Variants in ZNF684 observed in about 807,000 individuals in gnomAD.
ZNF684 encodes zinc finger protein 684.
A neutral mutation model predicts 12.8 loss-of-function variants in ZNF684; 13 were observed. The ratio of observed to expected loss-of-function variants is 1.02; its 90% CI spans 0.66 to 1.62. ZNF684 has a LOEUF of 1.62. Among genes scored for constraint, ZNF684 ranks in the 40% most tolerant of loss-of-function variants. The pLI, the probability that ZNF684 is intolerant of heterozygous loss-of-function variation, is 0.00. For synonymous variants in ZNF684, 118 were observed against 151.8 expected, an observed-to-expected ratio of 0.78 and a Z score of 1.64; for missense variants, 384 against 446.9, an observed-to-expected ratio of 0.86 and a Z score of 1.27.
chr1:40,546,977 T>C lies in ZNF684; in HGVS notation c.654T>C (p.Asn218=), dbSNP rs558571175. The C allele has an allele frequency of 1.9e-6, 3 of 1,614,094 alleles. No individual in the cohort carries two copies. The highest frequency in any genetic ancestry group is 2.5e-6 in the Non-Finnish European group (3 of 1,179,978). ...IHNGERPFVC[N]DCGKAFMHKA... ...ATGGAGAGAGACCCTTTGTGTGCAA[T>C]GATTGTGGGAAGGCGTTTATGCATA... Residue 218 remains asparagine (N), a synonymous_variant, in exon 5 of 5, where the codon AAT becomes AAC. Transcript: ENST00000372699.
intron 2 of ZNF684, among the ~76,000 whole-genome samples, chr1:40,538,700 A>C (rs556226193): frequency 1.3e-5 from 2 of 152,140 alleles, no homozygotes; most frequent in Admixed American, 6.5e-5. Flanking sequence ...TCTACTAAAA[A>C]TACAAAAATC....
At chr1:40,536,310 C>T (rs1645984784) in intron 2 of ZNF684, among the ~76,000 whole-genome samples, 1 of 149,590 alleles carries the variant, frequency 6.7e-6, no homozygotes, top group African/African-American at 2.5e-5. Flanking sequence ...AGGAGAATGG[C>T]ATGAACCCGG....
intron 2 of ZNF684, among the ~76,000 whole-genome samples, chr1:40,537,706 G>C (rs956536603): frequency 1.3e-5 from 2 of 151,702 alleles, no homozygotes; most frequent in African/African-American, 4.8e-5. Flanking sequence ...TCACACTACT[G>C]CACTCCAGCC....
rs559883098 is a variant in ZNF684, at chr1:40,548,043, A to G, written c.*583A>G. The G allele has an allele frequency of 2.0e-5, 3 of 152,326 alleles. No individual in the cohort carries two copies. The South Asian group carries it at 6.2e-4, about 32-fold the overall frequency. The allele number at this position is 152,326 out of a possible 1,614,324, so 9.4% of individuals were successfully genotyped here. On this transcript the variant is annotated 3_prime_UTR_variant, in exon 5 of 5. Transcript: ENST00000372699. ...ATAAAGATATTTTCCTATGTATGTA[A>G]ATACCAGAACAAAAAACAAGACACT...
rs1301856823 is a variant in ZNF684 at position 40,533,000 on chromosome 1, A to G, written c.-24-143A>G. On this transcript the variant is annotated intron_variant, in intron 1 of 4. Coordinates refer to ENST00000372699, the MANE Select transcript of ZNF684 (RefSeq NM_152373.4). ...GGAACATGGACTTTTCTGTCTTGCT[A>G]GAAATGTCATTCTCCCCCACTAGGT... The G allele has an allele frequency of 5.0e-6, 3 of 604,908 alleles. No homozygotes were observed. The African/African-American group carries it at 5.6e-5, about 11-fold the overall frequency. 37.5% of individuals were successfully genotyped at this position (604,908 alleles called of 1,614,324 possible). A position where few individuals can be genotyped will look rare whatever the true frequency, so the allele number is the denominator to read the frequency against.
At position 40,546,769 on chromosome 1, in the gene ZNF684, A is replaced by G. The variant is rs1646051085; in HGVS notation, c.446A>G (p.Tyr149Cys). 1 of 1,612,652 alleles carries G rather than the reference A, an allele frequency of 6.2e-7. No homozygotes were observed. Among genetic ancestry groups the G allele is most frequent in the African/African-American group, 1.3e-5 (1 of 74,948 alleles). Residue 149 changes from tyrosine (Y) to cysteine (C), a missense_variant, in exon 5 of 5, where the codon TAT (tyrosine) becomes TGT (cysteine). Physicochemically the swap from Tyr to Cys is radical, Grantham distance 194 (BLOSUM62 -2). Coordinates refer to ENST00000372699, the MANE Select transcript of ZNF684 (RefSeq NM_152373.4). The stretch of plus-strand genomic sequence containing the variant: ...CCACCTAATTTAGACTTACTTAAAT[A>G]TAATAGAAGTTATACTGTAGAAAAC... ...CLPPNLDLLK[Y>C]NRSYTVENAY... is the part of the protein sequence containing the mutation.
At chr1:40,541,458 C>T in intron 3 of ZNF684, 157 bp from the exon 4 acceptor site, 1 of 535,430 alleles carries the variant, frequency 1.9e-6, no homozygotes, top group Non-Finnish European at 3.5e-6. Context: ...GTTCGGATTA[C>T]AGGCGTGAGC....
chr1:40,533,209 G>A, intron 2 of ZNF684, 28 bp downstream of exon 2: 1 of 1,610,410 alleles, frequency 6.2e-7, no homozygotes, highest in Non-Finnish European at 8.5e-7. Context: ...TCATCCAGTT[G>A]TTTAAATCTC....
intron 1 of ZNF684, 74 bp from the exon 2 acceptor site, chr1:40,533,069 A>G: frequency 7.9e-7 from 1 of 1,265,816 alleles, no homozygotes; most frequent in Non-Finnish European, 1.1e-6. Flanking sequence ...GGTCTGATAG[A>G]GCAGGGTTCT....
intron 2 of ZNF684, among the ~76,000 whole-genome samples, chr1:40,533,701 TA>T (rs1345872866): frequency 6.6e-6 from 1 of 152,156 alleles, no homozygotes; most frequent in East Asian, 1.9e-4. Flanking sequence ...CCTGGATCCA[TA>T]AGTAAATCTT....
At chr1:40,537,105 T>G (rs556815637) in intron 2 of ZNF684, among the ~76,000 whole-genome samples, 5 of 152,144 alleles carry the variant, frequency 3.3e-5, no homozygotes, top group Non-Finnish European at 7.4e-5. Flanking sequence ...TTCCACAATG[T>G]TTGAACTAGT....
At chr1:40,538,077 A>G (rs1394429703) in intron 2 of ZNF684, among the ~76,000 whole-genome samples, 1 of 151,880 alleles carries the variant, frequency 6.6e-6, no homozygotes, top group Non-Finnish European at 1.5e-5. Flanking sequence ...TTGTAGCTTC[A>G]ACCTCCCAGC....
Position 40,539,964 on chromosome 1 carries a change from C to A in ZNF684, c.16-622C>A, listed in dbSNP as rs918956929. Among the ~76,000 whole-genome samples the A allele has an allele frequency of 4.6e-5, 7 of 151,170 alleles. 1 individual carries two copies. The highest frequency in any genetic ancestry group is 4.6e-4 in the Admixed American group (7 of 15,194). On this transcript the variant is annotated intron_variant, in intron 2 of 4. Transcript: ENST00000372699. ...ATTGTTGATTTTTTTCTCCCCTCCC[C>A]CTATTGTTGAATTTTAAGAGTTACT...
intron 3 of ZNF684, 78 bp from the exon 4 acceptor site, chr1:40,541,537 A>G: frequency 8.7e-7 from 1 of 1,148,368 alleles, no homozygotes; most frequent in Non-Finnish European, 1.3e-6. Context: ...CCTGAGACTC[A>G]AGGAGGTAAC....
chr1:40,537,728 G>A (rs1001950741), intron 2 of ZNF684, among the ~76,000 whole-genome samples: 12 of 151,586 alleles, frequency 7.9e-5, no homozygotes, highest in African/African-American at 2.9e-4. Flanking sequence ...GGGCGACAGA[G>A]CAAGACTCCG....
At chr1:40,535,605 TTTG>T (rs1242597628) in intron 2 of ZNF684, among the ~76,000 whole-genome samples, 2 of 152,098 alleles carry the variant, frequency 1.3e-5, no homozygotes, top group African/African-American at 4.8e-5. Flanking sequence ...TTTTTTTTAT[TTTG>T]TTTTTAATCA....
chr1:40,540,504 T>C (rs1557609361), intron 2 of ZNF684, 82 bp from the exon 3 acceptor site: 1 of 1,364,294 alleles, frequency 7.3e-7, no homozygotes, highest in East Asian at 2.5e-5. Context: ...GAACATGATA[T>C]GATATTAAGG....
Position 40,540,655 on chromosome 1 carries a change from G to T in ZNF684, c.85G>T (p.Glu29Ter), listed in dbSNP as rs1646009533. ...AEEWQLLDCAERTLYWDVMLE... is the reference protein window; with the variant it reads ...AEEWQLLDCA ...GGAGTGGCAGCTGCTTGATTGTGCT[G>T]AGAGAACCCTGTATTGGGATGTGAT... The change falls in exon 3 of 5, where the codon GAG becomes TAG. Residue 29 changes from glutamate (E) to a stop codon, truncating the protein, a stop_gained. Transcript: ENST00000372699. LOFTEE classifies it high-confidence loss of function. The T allele has an allele frequency of 6.2e-7, 1 of 1,612,508 alleles. No homozygotes were observed. Among genetic ancestry groups the T allele is most frequent in the African/African-American group, 1.3e-5 (1 of 74,800 alleles).
Position 40,537,116 on chromosome 1 carries a change from T to A in ZNF684, c.16-3470T>A, listed in dbSNP as rs369232828. 8.1e-4 allele frequency among the ~76,000 whole-genome samples: 124 copies of A among 152,310 alleles called. 6 individuals carry two copies. The South Asian group carries it at 0.026, about 32-fold the overall frequency. ...TGACTTCCACAATGTTTGAACTAGT[T>A]TACAGTCCCACCAACAGTGTAAAAG... On this transcript the variant is annotated intron_variant, in intron 2 of 4. Transcript: ENST00000372699.
Sources: gnomAD v4.1 joint callset for allele counts (sites outside exome capture counted in the v4.1 genomes callset) on GRCh38, gnomAD v4.1.1 for gene constraint, MANE v1.5 for transcripts, NCBI Gene and HGNC (gene_info 2026-07-23, HGNC 2026-07-21) for gene names.